Variants in SPECC1 observed in about 807,000 individuals in gnomAD.
SPECC1 encodes the protein cytospin-B.
In SPECC1, 62 loss-of-function variants were observed where a neutral mutation model predicts 104.1. That is an observed-to-expected ratio of 0.60 (90% confidence interval 0.49 to 0.74). SPECC1 has a LOEUF of 0.74. SPECC1 is among the 30% of genes least tolerant of loss of function. The pLI, the probability that SPECC1 is intolerant of heterozygous loss-of-function variation, is 0.00. For synonymous variants in SPECC1, 513 were observed against 501.6 expected, an observed-to-expected ratio of 1.02 and a Z score of -0.30; for missense variants, 1,306 against 1,310.5, an observed-to-expected ratio of 1.00 and a Z score of 0.05.
chr17:20,216,275 C>G (rs533618817), intron 4 of SPECC1, among the ~76,000 whole-genome samples: 42 of 152,236 alleles, frequency 2.8e-4, no homozygotes, highest in Non-Finnish European at 5.1e-4. Context: ...CCCCCACCCC[C>G]AAGCACTTCC....
At position 20,241,385 on chromosome 17, in the gene SPECC1, T is replaced by C. The variant is rs145474815; in HGVS notation, c.2352-4541T>C. 1.6e-3 allele frequency among the ~76,000 whole-genome samples: 246 copies of C among 152,306 alleles called. 1 individual carries two copies. Among genetic ancestry groups the C allele is most frequent in the African/African-American group, 5.8e-3 (240 of 41,560 alleles). On this transcript the variant is annotated intron_variant, in intron 7 of 14. Transcript: ENST00000395527. Reference sequence around the variant, plus strand: ...CCTTCTCGGATGTAAATTCTTCTTGTTCCTGATCCTTTGCCAAAACGCCGT... The same window carrying C: ...CCTTCTCGGATGTAAATTCTTCTTGCTCCTGATCCTTTGCCAAAACGCCGT...
intron 7 of SPECC1, among the ~76,000 whole-genome samples, chr17:20,235,761 A>G (rs1397220056): frequency 1.3e-5 from 2 of 152,258 alleles, no homozygotes; most frequent in Non-Finnish European, 2.9e-5. Flanking sequence ...TAAAAGAGAT[A>G]ATTAAACACA....
intron 3 of SPECC1, among the ~76,000 whole-genome samples, chr17:20,168,816 A>T (rs1319346221): frequency 1.3e-5 from 2 of 152,200 alleles, no homozygotes; most frequent in African/African-American, 4.8e-5. Context: ...GTATGCTTAT[A>T]TGATGTAGAT....
chr17:20,061,120 G>A (rs2046169819), intron 1 of SPECC1, among the ~76,000 whole-genome samples: 1 of 152,220 alleles, frequency 6.6e-6, no homozygotes, highest in South Asian at 2.1e-4. Context: ...CACCCAGGCT[G>A]GAGAGCAGTG....
chr17:20,299,334 A>G (rs546880061), intron 13 of SPECC1, among the ~76,000 whole-genome samples: 1 of 152,114 alleles, frequency 6.6e-6, no homozygotes, highest in Non-Finnish European at 1.5e-5. Flanking sequence ...CAGGAGGATC[A>G]CTTGAGCCCA....
chr17:20,190,032 A>G (rs1178415127), intron 3 of SPECC1, among the ~76,000 whole-genome samples: 1 of 152,044 alleles, frequency 6.6e-6, no homozygotes, highest in Non-Finnish European at 1.5e-5. Flanking sequence ...ATTGACTTTT[A>G]GTACAAGTTA....
chr17:20,056,821 A>T (rs1195659485), intron 1 of SPECC1, among the ~76,000 whole-genome samples: 1 of 152,210 alleles, frequency 6.6e-6, no homozygotes, highest in African/African-American at 2.4e-5. Context: ...TCCTCTGAAG[A>T]GAAAAAAATA....
At chr17:20,304,813 G>A (rs982193895) in intron 13 of SPECC1, among the ~76,000 whole-genome samples, 8 of 152,006 alleles carry the variant, frequency 5.3e-5, no homozygotes, top group Admixed American at 2.0e-4. Context: ...GTGCGAGGAA[G>A]CCAGGGTCCA....
chr17:20,079,280 C>T (rs2046878125), intron 1 of SPECC1, among the ~76,000 whole-genome samples: 1 of 152,062 alleles, frequency 6.6e-6, no homozygotes. Context: ...TGTTCCTTAT[C>T]TCTGGTTTAT....
intron 4 of SPECC1, among the ~76,000 whole-genome samples, chr17:20,212,549 T>G (rs1483596673): frequency 1.3e-5 from 2 of 152,178 alleles, no homozygotes; most frequent in Non-Finnish European, 2.9e-5. Context: ...AGACTTATAC[T>G]GTCAGGAGAA....
At chr17:20,137,127 C>G (rs1461005333) in intron 3 of SPECC1, among the ~76,000 whole-genome samples, 1 of 152,244 alleles carries the variant, frequency 6.6e-6, no homozygotes, top group African/African-American at 2.4e-5. Flanking sequence ...TCTGCCCACT[C>G]CTGTTTGGCC....
At chr17:20,259,096 A>G (rs1228317979) in intron 11 of SPECC1, among the ~76,000 whole-genome samples, 1 of 152,270 alleles carries the variant, frequency 6.6e-6, no homozygotes, top group East Asian at 1.9e-4. Context: ...ATAATCACAA[A>G]TATGGGTATT....
chr17:20,144,179 T>C (rs79880908), intron 3 of SPECC1, among the ~76,000 whole-genome samples: 3,325 of 59,662 alleles, frequency 0.056, 178 homozygotes, highest in Non-Finnish European at 0.085. Flanking sequence ...TCTTTTCTTT[T>C]TTTTTTTTTT....
At chr17:20,128,296 T>A (rs1449938075) in intron 3 of SPECC1, among the ~76,000 whole-genome samples, 1 of 152,224 alleles carries the variant, frequency 6.6e-6, no homozygotes, top group Non-Finnish European at 1.5e-5. Context: ...CAAAGTACTG[T>A]CTTTCCTTAA....
At chr17:20,194,505 T>TTTTTTTTTTTTTA (rs2035890596) in intron 3 of SPECC1, among the ~76,000 whole-genome samples, 1 of 48,012 alleles carries the variant, frequency 2.1e-5, no homozygotes, top group Non-Finnish European at 4.2e-5. Context: ...AGAACGAATT[T>TTTTTTTTTTTTTA]TTTTTTTTTT....
At chr17:20,190,514 G>GTTTTAAAGA (rs2035594109) in intron 3 of SPECC1, among the ~76,000 whole-genome samples, 1 of 152,042 alleles carries the variant, frequency 6.6e-6, no homozygotes, top group Admixed American at 6.5e-5. Flanking sequence ...AGCAGTTTTA[G>GTTTTAAAGA]GCACAGCAAA....
chr17:20,107,464 T>C (rs2048281096), intron 2 of SPECC1, among the ~76,000 whole-genome samples: 1 of 144,318 alleles, frequency 6.9e-6, no homozygotes, highest in African/African-American at 2.5e-5. Flanking sequence ...TCTTTTTTCT[T>C]TTTTTTTTTT....
chr17:20,242,791 A>G (rs1021915955), intron 7 of SPECC1, among the ~76,000 whole-genome samples: 2 of 152,212 alleles, frequency 1.3e-5, no homozygotes, highest in Non-Finnish European at 2.9e-5. Context: ...AAAATAAGGG[A>G]TAATAATATC....
At chr17:20,144,976 G>A (rs75955750) in intron 3 of SPECC1, among the ~76,000 whole-genome samples, 8 of 152,118 alleles carry the variant, frequency 5.3e-5, no homozygotes, top group Admixed American at 1.3e-4. Context: ...TTTAAGTTAA[G>A]CCCTATTAAG....
Sources: gnomAD v4.1 joint callset for allele counts (sites outside exome capture counted in the v4.1 genomes callset) on GRCh38, gnomAD v4.1.1 for gene constraint, MANE v1.5 for transcripts, NCBI Gene and HGNC (gene_info 2026-07-23, HGNC 2026-07-21) for gene names.